The following IFT74 variants were observed in gnomAD, a reference collection of about 807,000 sequenced individuals.
The protein encoded by IFT74 is intraflagellar transport protein 74 homolog.
IFT74 carries 92 observed loss-of-function variants against 96.7 expected under a neutral mutation model. The observed-to-expected ratio is 0.95, with a 90% confidence interval of 0.80 to 1.13. The LOEUF (loss-of-function observed/expected upper bound fraction) is 1.13. Ranked by LOEUF, IFT74 falls within the 50% of genes most tolerant of loss-of-function variation. The pLI, the probability that IFT74 is intolerant of heterozygous loss-of-function variation, is 0.00. For synonymous variants in IFT74, 223 were observed against 213.2 expected, an observed-to-expected ratio of 1.05 and a Z score of -0.40; for missense variants, 811 against 698.2, an observed-to-expected ratio of 1.16 and a Z score of -1.82.
rs913544757 is a variant in IFT74, at chr9:27,007,096, T to C, written c.588-1924T>C. Among the ~76,000 whole-genome samples, 24 of 152,040 alleles carry C rather than the reference T, an allele frequency of 1.6e-4. 1 individual carries two copies. The highest frequency in any genetic ancestry group is 5.2e-4 in the Admixed American group (8 of 15,280). On this transcript the variant is annotated intron_variant, in intron 8 of 19. Transcript: ENST00000380062. ...TCGTGATCTGCCCGCCTCGGCCTCC[T>C]AAAGTGCTGGGATTACAGGCATGAG...
chr9:27,056,675 C>G (rs775023855), intron 18 of IFT74, among the ~76,000 whole-genome samples: 2 of 151,914 alleles, frequency 1.3e-5, no homozygotes, highest in African/African-American at 4.8e-5. Context: ...TAGATACTGT[C>G]TTGGGCACAA....
In IFT74 at chr9:27,011,840, C is replaced by T. The variant is rs1587350925; in HGVS notation, c.727-66C>T. 11 of 996,054 alleles carry T rather than the reference C, an allele frequency of 1.1e-5. No individual in the cohort carries two copies. In the East Asian group the frequency reaches 2.1e-4, roughly 19 times the overall value. The allele number at this position is 996,054 out of a possible 1,614,324, so 61.7% of individuals were successfully genotyped here. A position where few individuals can be genotyped will look rare whatever the true frequency, so the allele number is the denominator to read the frequency against. On this transcript the variant is annotated intron_variant, in intron 9 of 19. Transcript: ENST00000380062. ...ATAAATTTTTTTTCCCAGCTCCCTCCCCCCACTACAACAAATTATTCTTAA... is the reference window on the plus strand; with the variant it reads ...ATAAATTTTTTTTCCCAGCTCCCTCTCCCCACTACAACAAATTATTCTTAA...
intron 8 of IFT74, among the ~76,000 whole-genome samples, chr9:27,003,745 T>G (rs898319556): frequency 1.3e-5 from 2 of 152,206 alleles, no homozygotes; most frequent in Non-Finnish European, 2.9e-5. Context: ...CTACTCTGCC[T>G]CCTATATTTT....
At chr9:27,014,809 G>A (rs10967662) in intron 10 of IFT74, among the ~76,000 whole-genome samples, 4 of 152,146 alleles carry the variant, frequency 2.6e-5, no homozygotes, top group Non-Finnish European at 5.9e-5. Context: ...GGGTTTCACT[G>A]TGTTGGCCAG....
At chr9:26,998,919 A>G (rs1234224770) in intron 8 of IFT74, among the ~76,000 whole-genome samples, 2 of 152,078 alleles carry the variant, frequency 1.3e-5, no homozygotes, top group African/African-American at 4.8e-5. Context: ...GCTTCAACCC[A>G]GGAGGCGGAG....
intron 11 of IFT74, among the ~76,000 whole-genome samples, chr9:27,017,375 A>G (rs998108497): frequency 1.1e-4 from 17 of 152,032 alleles, no homozygotes; most frequent in African/African-American, 4.1e-4. Context: ...GCATGTGCCA[A>G]CACACCAATT....
At chr9:26,968,885 T>C (rs1826752961) in intron 2 of IFT74, among the ~76,000 whole-genome samples, 1 of 131,816 alleles carries the variant, frequency 7.6e-6, no homozygotes, top group African/African-American at 3.2e-5. Flanking sequence ...TCATTAATCT[T>C]TTATATTTTT....
intron 8 of IFT74, among the ~76,000 whole-genome samples, chr9:27,007,059 G>A (rs1156994453): frequency 6.6e-6 from 1 of 151,706 alleles, no homozygotes; most frequent in Non-Finnish European, 1.5e-5. Context: ...GGATGGTCTC[G>A]ATCTCCTGAC....
Position 26,998,259 on chromosome 9 carries a change from A to G in IFT74, c.587+8064A>G, listed in dbSNP as rs770456338. ...TGGACTTCCTAGAAAAACAAAAAAA[A>G]GAAAGGCATTAATCAGAAAAAAAAT... On this transcript the variant is annotated intron_variant, in intron 8 of 19. Coordinates refer to ENST00000380062, the MANE Select transcript of IFT74 (RefSeq NM_025103.4). 10 of 1,359,478 alleles carry G rather than the reference A, an allele frequency of 7.4e-6. No individual in the cohort carries two copies. The African/African-American group carries it at 1.3e-4, about 18-fold the overall frequency. The allele number at this position is 1,359,478 out of a possible 1,614,324, so 84.2% of individuals were successfully genotyped here.
Position 27,047,326 on chromosome 9 carries a change from A to C in IFT74, c.1161A>C (p.Ala387=), listed in dbSNP as rs1564000683. The change falls in exon 15 of 20, where the codon GCA becomes GCC. Residue 387 remains alanine, a synonymous_variant. Coordinates refer to ENST00000380062, the MANE Select transcript of IFT74 (RefSeq NM_025103.4). ...AGAATCAGGAACTGAAACGAAAGGC[A>C]CAGATAGAAGCCAACATTGTTGCAC... ...ETKNQELKRK[A]QIEANIVALL... 6.2e-7 allele frequency: 1 copy of C among 1,613,638 alleles called. No individual in the cohort carries two copies. Among genetic ancestry groups the C allele is most frequent in the South Asian group, 1.1e-5 (1 of 91,044 alleles).
At chr9:27,002,163 G>A (rs1246529714) in intron 8 of IFT74, among the ~76,000 whole-genome samples, 1 of 152,128 alleles carries the variant, frequency 6.6e-6, no homozygotes, top group East Asian at 1.9e-4. Context: ...ACAGAGTCTG[G>A]CTCTGTTGCC....
intron 2 of IFT74, among the ~76,000 whole-genome samples, chr9:26,968,014 T>A (rs1175381423): frequency 6.6e-6 from 1 of 151,882 alleles, no homozygotes; most frequent in Non-Finnish European, 1.5e-5. Flanking sequence ...TTTGCACCAA[T>A]GTTCATCAGG....
chr9:26,999,240 A>G (rs1263859943), intron 8 of IFT74, among the ~76,000 whole-genome samples: 1 of 152,174 alleles, frequency 6.6e-6, no homozygotes, highest in African/African-American at 2.4e-5. Context: ...AACTAAGAAT[A>G]GTTCTGGTTT....
At chr9:27,051,714 A>G (rs1258755391) in intron 16 of IFT74, among the ~76,000 whole-genome samples, 1 of 152,200 alleles carries the variant, frequency 6.6e-6, no homozygotes, top group Non-Finnish European at 1.5e-5. Flanking sequence ...CACTTAGCGT[A>G]ATGTCCTTAA....
chr9:27,008,712 T>C (rs999947716), intron 8 of IFT74, among the ~76,000 whole-genome samples: 15 of 152,154 alleles, frequency 9.9e-5, no homozygotes, highest in African/African-American at 3.6e-4. Context: ...TGCATCCTCA[T>C]ATATATAAGT....
intron 12 of IFT74, among the ~76,000 whole-genome samples, chr9:27,020,275 G>C (rs1316376977): frequency 6.6e-6 from 1 of 151,904 alleles, no homozygotes; most frequent in East Asian, 1.9e-4. Context: ...TTAAATTTTG[G>C]AATCACAGTC....
chr9:26,996,442 T>C (rs750259438), intron 8 of IFT74: 3 of 1,585,014 alleles, frequency 1.9e-6, no homozygotes, highest in Non-Finnish European at 2.6e-6. Flanking sequence ...AGGTACTGTT[T>C]TGATATTGTA....
intron 14 of IFT74, among the ~76,000 whole-genome samples, chr9:27,045,990 A>G (rs1411634998): frequency 6.6e-6 from 1 of 152,196 alleles, no homozygotes; most frequent in African/African-American, 2.4e-5. Context: ...GTGTTCATTT[A>G]ATGAATGTTT....
intron 12 of IFT74, among the ~76,000 whole-genome samples, chr9:27,019,850 C>G (rs1007159476): frequency 6.6e-6 from 1 of 152,020 alleles, no homozygotes; most frequent in Non-Finnish European, 1.5e-5. Flanking sequence ...AACTACCAGA[C>G]TGTTTTCCAA....
Sources: gnomAD v4.1 joint callset for allele counts (sites outside exome capture counted in the v4.1 genomes callset) on GRCh38, gnomAD v4.1.1 for gene constraint, MANE v1.5 for transcripts, NCBI Gene and HGNC (gene_info 2026-07-23, HGNC 2026-07-21) for gene names.